Variants in TRIM37 observed in about 807,000 individuals in gnomAD.
The protein encoded by TRIM37 is tripartite motif containing 37.
A neutral mutation model predicts 129.8 loss-of-function variants in TRIM37; 80 were observed. The observed-to-expected ratio is 0.62, with a 90% CI of 0.51 to 0.74. The LOEUF (loss-of-function observed/expected upper bound fraction) is 0.74, where lower values mean the gene tolerates loss of function less well. Ranked by LOEUF, TRIM37 falls within the 30% of genes least tolerant of loss-of-function variation. The pLI is 0.00. For missense variants in TRIM37, 1,054 were observed against 1,176.5 expected, an observed-to-expected ratio of 0.90 and a Z score of 1.52; for synonymous variants, 389 against 387.1, an observed-to-expected ratio of 1.00 and a Z score of -0.06.
chr17:58,986,836 T>C (rs2031864485), intron 24 of TRIM37, among the ~76,000 whole-genome samples: 1 of 152,204 alleles, frequency 6.6e-6, no homozygotes, highest in African/African-American at 2.4e-5. Flanking sequence ...CAGCAATTAG[T>C]AAAGAACACT....
In TRIM37 at chr17:59,056,698, A is replaced by G. The variant is rs9906653; in HGVS notation, c.1199+177T>C. 0.68 allele frequency among the ~76,000 whole-genome samples: 87,872 copies of G among 130,136 alleles called. 30,278 individuals carry two copies. The highest frequency in any genetic ancestry group is 0.81 in the African/African-American group (28,830 of 35,388). The allele number at this position is 130,136 out of a possible 152,430, so 85.4% of individuals were successfully genotyped here. On this transcript the variant is annotated intron_variant, in intron 13 of 23. Transcript: ENST00000262294. The stretch of plus-strand genomic sequence containing the variant: ...TGAGCCGAGATCGCGCCAGGGCGAC[A>G]GAGCGAGACTATGTCTCCAAAAAAA...
Position 59,081,232 on chromosome 17 carries a change from G to C in TRIM37, c.370-13C>G. 3.7e-6 allele frequency: 6 copies of C among 1,611,386 alleles called. No individual in the cohort carries two copies. The highest frequency in any genetic ancestry group is 5.1e-6 in the Non-Finnish European group (6 of 1,178,544). On this transcript the variant is annotated splice_polypyrimidine_tract_variant and intron_variant, in intron 5 of 23. Transcript: ENST00000262294. ...TATGTCCGCCATGCTATTTAAATTA[G>C]AGTAGCTTTAGAACACTTTCACATA...
At chr17:59,093,833 T>C (rs1599534084) in intron 2 of TRIM37, among the ~76,000 whole-genome samples, 1 of 152,194 alleles carries the variant, frequency 6.6e-6, no homozygotes, top group Non-Finnish European at 1.5e-5. Flanking sequence ...TTTCCCAGGC[T>C]ATAGTGAGTT....
chr17:58,987,235 A>G (rs779412603), intron 24 of TRIM37, among the ~76,000 whole-genome samples: 3 of 152,228 alleles, frequency 2.0e-5, no homozygotes, highest in Non-Finnish European at 4.4e-5. Context: ...AGATGATGAA[A>G]AAGTTGTCCC....
Position 59,061,074 on chromosome 17 carries a change from G to C in TRIM37, c.977C>G (p.Ser326Cys), listed in dbSNP as rs750466036. 1 of 1,613,632 alleles carries C rather than the reference G, an allele frequency of 6.2e-7. No individual in the cohort carries two copies. The highest frequency in any genetic ancestry group is 1.1e-5 in the South Asian group (1 of 91,070). The change falls in exon 12 of 24, where the codon TCT (serine) becomes TGT (cysteine). Residue 326 changes from serine to cysteine, a missense_variant. Transcript: ENST00000262294. The part of the protein sequence containing the change: ...GNGVVRGYYL[S>C]VFLELSAGLP... ...GCCAGCTGAGAGCTCCAGAAACACA[G>C]ATAAGTAGTAACCTCGCACAACTCC...
intron 10 of TRIM37, among the ~76,000 whole-genome samples, chr17:59,063,936 T>C (rs1223304329): frequency 6.6e-6 from 1 of 152,082 alleles, no homozygotes; most frequent in Non-Finnish European, 1.5e-5. Context: ...GGAGAATTAC[T>C]GGAGCCCAGG....
Position 59,088,324 on chromosome 17 carries a change from C to T in TRIM37, c.248G>A (p.Ser83Asn). 1 of 1,613,210 alleles carries T rather than the reference C, an allele frequency of 6.2e-7. No individual in the cohort carries two copies. Among genetic ancestry groups the T allele is most frequent in the Non-Finnish European group, 8.5e-7 (1 of 1,179,356 alleles). ...TTCATTTTCTTCATGTTTGGTGAGACTGCAGAGTTGAAGAGTATCAAGCTG... is the reference window on the plus strand; with the variant it reads ...TTCATTTTCTTCATGTTTGGTGAGATTGCAGAGTTGAAGAGTATCAAGCTG... The part of the protein sequence containing the change: ...TQQLDTLQLC[S>N]LTKHEENEKD... Residue 83 changes from serine (S) to asparagine (N), a missense_variant, in exon 4 of 24, where the codon AGT becomes AAT. Ser to Asn is a conservative substitution (Grantham distance 46). Transcript: ENST00000262294.
intron 17 of TRIM37, among the ~76,000 whole-genome samples, chr17:59,039,641 G>A (rs1356439294): frequency 1.3e-5 from 2 of 150,466 alleles, no homozygotes; most frequent in Admixed American, 6.6e-5. Context: ...CACCACACCC[G>A]GCCCAGGATG....
intron 19 of TRIM37, among the ~76,000 whole-genome samples, chr17:59,027,635 T>C (rs544596383): frequency 6.6e-6 from 1 of 152,326 alleles, no homozygotes; most frequent in Admixed American, 6.5e-5. Context: ...TCCTCAACCC[T>C]TTTCAGACCC....
intron 4 of TRIM37, 54 bp from the exon 5 acceptor site, chr17:59,084,143 C>A: frequency 7.2e-7 from 1 of 1,395,130 alleles, no homozygotes; most frequent in Non-Finnish European, 1.0e-6. Flanking sequence ...ACATAATCAC[C>A]TCCACAAATT....
intron 15 of TRIM37, 21 bp downstream of exon 15, chr17:59,049,157 T>G (rs768088572): frequency 1.2e-6 from 2 of 1,600,952 alleles, no homozygotes. Flanking sequence ...CACAAAAATC[T>G]AAAACTGGCC....
At chr17:58,976,744 C>T in the TRIM37 span, among the ~76,000 whole-genome samples, 2 of 152,276 alleles carry the variant, frequency 1.3e-5, no homozygotes, top group Non-Finnish European at 1.5e-5. Context: ...AGGTGAAAAG[C>T]CAGAACTTTG....
At chr17:59,096,323 G>A (rs1427055838) in intron 2 of TRIM37, among the ~76,000 whole-genome samples, 1 of 151,730 alleles carries the variant, frequency 6.6e-6, no homozygotes, top group Non-Finnish European at 1.5e-5. Flanking sequence ...AGGCCGAGGT[G>A]GGTGGATCAC....
At chr17:59,015,506 A>ATT in intron 21 of TRIM37, 104 bp downstream of exon 21, 1 of 1,216,788 alleles carries the variant, frequency 8.2e-7, no homozygotes. Context: ...CCACTAAAAA[A>ATT]TTAACAAGGT....
chr17:59,067,934 T>C lies in TRIM37; in HGVS notation c.809+2889A>G, dbSNP rs535595970. On this transcript the variant is annotated intron_variant, in intron 9 of 23. Coordinates refer to ENST00000262294, the MANE Select transcript of TRIM37 (RefSeq NM_015294.6). ...TAACACTTCACTGATTTAGTGACCT[T>C]TTCTTCTCCATTGTGGCTCCATCAC... Among the ~76,000 whole-genome samples, 31 of 152,312 alleles carry C rather than the reference T, an allele frequency of 2.0e-4. No homozygotes were observed. The South Asian group carries it at 6.2e-3, about 31-fold the overall frequency.
intron 24 of TRIM37, among the ~76,000 whole-genome samples, chr17:58,985,494 C>A (rs2031718236): frequency 1.3e-5 from 2 of 152,210 alleles, no homozygotes; most frequent in Admixed American, 1.3e-4. Flanking sequence ...CTACTTCATT[C>A]TTAGAACTCT....
chr17:59,077,616 C>T (rs2042917599), intron 7 of TRIM37, among the ~76,000 whole-genome samples: 1 of 151,566 alleles, frequency 6.6e-6, no homozygotes, highest in African/African-American at 2.4e-5. Flanking sequence ...TTGAGACCAG[C>T]CTGGCCAATA....
chr17:59,081,797 C>G (rs1186241019), intron 5 of TRIM37, among the ~76,000 whole-genome samples: 1 of 151,650 alleles, frequency 6.6e-6, no homozygotes, highest in Non-Finnish European at 1.5e-5. Context: ...ATCCCAGCTA[C>G]TCAAGAGGCT....
chr17:59,030,324 C>A (rs2037710890), intron 18 of TRIM37, among the ~76,000 whole-genome samples: 1 of 152,166 alleles, frequency 6.6e-6, no homozygotes, highest in Admixed American at 6.5e-5. Context: ...CTAGGCTGGT[C>A]TCGAACTCCT....
Sources: allele counts gnomAD v4.1 joint callset (sites outside exome capture counted in the v4.1 genomes callset), GRCh38; gene constraint gnomAD v4.1.1; transcripts MANE v1.5; gene names NCBI Gene and HGNC (gene_info 2026-07-23, HGNC 2026-07-21).